Variants in ADAM23 observed in about 807,000 individuals in gnomAD.
ADAM23 encodes the protein ADAM metallopeptidase domain 23, also known as disintegrin and metalloproteinase domain-containing protein 23.
A neutral mutation model predicts 120.1 loss-of-function variants in ADAM23; 33 were observed. The ratio of observed to expected loss-of-function variants is 0.27; its 90% CI spans 0.21 to 0.37. ADAM23 has a LOEUF of 0.37. ADAM23 is among the 10% of genes least tolerant of loss of function. The pLI, the probability that ADAM23 is intolerant of heterozygous loss-of-function variation, is 1.00. For synonymous variants in ADAM23, 367 were observed against 375.2 expected (o/e 0.98, Z 0.25); for missense variants, 862 against 1,058.2 (o/e 0.81, Z 2.57).
chr2:206,447,480 C>T (rs376578062), intron 2 of ADAM23, among the ~76,000 whole-genome samples: 134 of 152,274 alleles, frequency 8.8e-4, no homozygotes, highest in African/African-American at 3.0e-3. Context: ...AAAAGTGCTC[C>T]CGTACAGGTA....
At chr2:206,566,159 A>C (rs1321462921) in intron 14 of ADAM23, among the ~76,000 whole-genome samples, 1 of 149,988 alleles carries the variant, frequency 6.7e-6, no homozygotes, top group Non-Finnish European at 1.5e-5. Flanking sequence ...AAGTTTTTAC[A>C]ATGACTCTTC....
At chr2:206,543,156 C>G in intron 5 of ADAM23, 97 bp from the exon 6 acceptor site, 2 of 1,064,736 alleles carry the variant, frequency 1.9e-6, no homozygotes, top group Non-Finnish European at 2.9e-6. Context: ...CAGTTATACT[C>G]TTTATTTTGA....
chr2:206,566,757 C>T (rs1255438571), intron 14 of ADAM23, among the ~76,000 whole-genome samples: 1 of 151,810 alleles, frequency 6.6e-6, no homozygotes, highest in Non-Finnish European at 1.5e-5. Flanking sequence ...TGTTGGCCTG[C>T]ATGATATAGT....
chr2:206,498,938 G>A (rs1318693277), intron 3 of ADAM23, among the ~76,000 whole-genome samples: 11 of 152,214 alleles, frequency 7.2e-5, no homozygotes, highest in South Asian at 4.1e-4. Flanking sequence ...AATCAGAACC[G>A]CAATGAGATA....
At chr2:206,492,545 C>G (rs1245978524) in intron 3 of ADAM23, among the ~76,000 whole-genome samples, 1 of 152,162 alleles carries the variant, frequency 6.6e-6, no homozygotes, top group African/African-American at 2.4e-5. Context: ...TCTGATGGTT[C>G]TGGAGGCTGG....
intron 2 of ADAM23, among the ~76,000 whole-genome samples, chr2:206,448,399 A>G (rs1340039533): frequency 6.6e-6 from 1 of 152,226 alleles, no homozygotes; most frequent in Non-Finnish European, 1.5e-5. Context: ...CTGAAATGGA[A>G]AAATTTAATT....
intron 4 of ADAM23, among the ~76,000 whole-genome samples, chr2:206,534,980 A>G (rs907890525): frequency 2.1e-5 from 3 of 146,272 alleles, no homozygotes; most frequent in African/African-American, 7.6e-5. Context: ...TTTTTGTAGG[A>G]TCTACCTTCC....
chr2:206,618,419 A>G lies in ADAM23; in HGVS notation c.*792A>G, dbSNP rs1017579243. ...AATTTGAACAATGATGCTATTGTAT[A>G]GTTCTTTTATAAATGTAAATATGGA... is the stretch of plus-strand genomic sequence containing the variant. On this transcript the variant is annotated 3_prime_UTR_variant, in exon 26 of 26. Transcript: ENST00000264377. The G allele has an allele frequency of 1.2e-4, 19 of 152,250 alleles. No homozygotes were observed. Among genetic ancestry groups the G allele is most frequent in the African/African-American group, 4.3e-4 (18 of 41,464 alleles). The allele number at this position is 152,250 out of a possible 1,614,324, so 9.4% of individuals were successfully genotyped here. A position where few individuals can be genotyped will look rare whatever the true frequency, so the allele number is the denominator to read the frequency against.
chr2:206,550,409 A>C (rs1001092096), intron 9 of ADAM23, among the ~76,000 whole-genome samples: 1 of 152,128 alleles, frequency 6.6e-6, no homozygotes, highest in South Asian at 2.1e-4. Flanking sequence ...TCTTCATTTA[A>C]AATTCTTATT....
At chr2:206,481,333 TAAG>T in intron 3 of ADAM23, 25 bp downstream of exon 3, 3 of 1,534,212 alleles carry the variant, frequency 2.0e-6, no homozygotes, top group Non-Finnish European at 1.8e-6. Flanking sequence ...ATAATCTTCT[TAAG>T]AAGCAGGTGC....
intron 12 of ADAM23, among the ~76,000 whole-genome samples, chr2:206,561,920 C>G (rs1697775670): frequency 1.3e-5 from 2 of 152,076 alleles, no homozygotes; most frequent in African/African-American, 4.8e-5. Flanking sequence ...TAAATTTATT[C>G]TTAGTTTGGT....
intron 24 of ADAM23, among the ~76,000 whole-genome samples, chr2:206,601,421 T>C (rs1231405549): frequency 6.6e-6 from 1 of 152,164 alleles, no homozygotes; most frequent in East Asian, 1.9e-4. Flanking sequence ...TAATATAACA[T>C]AATCACCTTA....
chr2:206,452,849 T>G (rs1241138097), intron 2 of ADAM23, among the ~76,000 whole-genome samples: 3 of 152,078 alleles, frequency 2.0e-5, no homozygotes, highest in African/African-American at 4.8e-5. Flanking sequence ...CTATAAATAG[T>G]CGCTGATTAA....
At chr2:206,470,094 A>C (rs1241727084) in intron 2 of ADAM23, among the ~76,000 whole-genome samples, 1 of 152,118 alleles carries the variant, frequency 6.6e-6, no homozygotes, top group Non-Finnish European at 1.5e-5. Flanking sequence ...ACACCCTAAA[A>C]TGTAAACCCT....
At position 206,468,601 on chromosome 2, in the gene ADAM23, A is replaced by C. The variant is rs943079702; in HGVS notation, c.433-12631A>C. 1.2e-4 allele frequency among the ~76,000 whole-genome samples: 18 copies of C among 152,284 alleles called. No individual in the cohort carries two copies. The East Asian group carries it at 3.5e-3, about 29-fold the overall frequency. On this transcript the variant is annotated intron_variant, in intron 2 of 25. Transcript: ENST00000264377. ...CATAACCATTCAACTAGTCTCTAGG[A>C]AGTTCCAAATGTTCCCCCATCTTCT... is the stretch of plus-strand genomic sequence containing the variant.
chr2:206,543,555 C>T (rs955417537), intron 6 of ADAM23, among the ~76,000 whole-genome samples: 1 of 152,076 alleles, frequency 6.6e-6, no homozygotes, highest in Non-Finnish European at 1.5e-5. Context: ...TAGTCCTTCC[C>T]AGTCTATGAA....
At chr2:206,590,420 G>A (rs1352801424) in intron 21 of ADAM23, among the ~76,000 whole-genome samples, 1 of 152,058 alleles carries the variant, frequency 6.6e-6, no homozygotes, top group African/African-American at 2.4e-5. Flanking sequence ...GATTAGTTGA[G>A]GAAAGTTAGA....
rs575601945 is a variant in ADAM23 at position 206,507,484 on chromosome 2, TGTAA to T, written c.510-23398_510-23395del. The stretch of plus-strand genomic sequence containing the variant: ...TCCCACCTTCACCTTCCACTGTGAT[TGTAA>T]GTTTTTTGAGGCCTTCCCAGAAGCT... On this transcript the variant is annotated intron_variant, in intron 3 of 25. Coordinates refer to ENST00000264377, the MANE Select transcript of ADAM23 (RefSeq NM_003812.4). Among the ~76,000 whole-genome samples the T allele has an allele frequency of 1.6e-3, 249 of 152,284 alleles. 1 individual carries two copies. Among genetic ancestry groups the T allele is most frequent in the South Asian group, 5.8e-3 (28 of 4,822 alleles).
intron 2 of ADAM23, among the ~76,000 whole-genome samples, chr2:206,464,621 G>A (rs886856234): frequency 6.6e-6 from 1 of 151,806 alleles, no homozygotes; most frequent in Non-Finnish European, 1.5e-5. Context: ...GTTGAATTTT[G>A]TGTTGAGGCA....
Sources: gnomAD v4.1 joint callset for allele counts (sites outside exome capture counted in the v4.1 genomes callset) on GRCh38, gnomAD v4.1.1 for gene constraint, MANE v1.5 for transcripts, NCBI Gene and HGNC (gene_info 2026-07-23, HGNC 2026-07-21) for gene names.